CUZD1: variants seen among roughly 807,000 people sequenced by gnomAD.
The protein encoded by CUZD1 is CUB and zona pellucida-like domain-containing protein 1.
CUZD1 carries 42 observed loss-of-function variants against 53.1 expected under a neutral mutation model. That is an observed-to-expected ratio of 0.79 (90% CI 0.62 to 1.02). CUZD1 has a LOEUF of 1.02. Among genes scored for constraint, CUZD1 ranks in the 50% least tolerant of loss-of-function variants. The pLI is 0.00. For synonymous variants in CUZD1, 238 were observed against 257.2 expected (o/e 0.93, Z 0.71); for missense variants, 670 against 715.7 (o/e 0.94, Z 0.73).
intron 1 of CUZD1, among the ~76,000 whole-genome samples, chr10:122,843,460 C>G (rs919269812): frequency 1.3e-5 from 2 of 152,034 alleles, no homozygotes; most frequent in African/African-American, 4.8e-5. Context: ...TAGTTGTTTA[C>G]TATATTATTT....
In CUZD1 at chr10:122,843,593, A is replaced by C. The variant is rs1847378626; in HGVS notation, c.82+2169T>G. 2.0e-5 allele frequency among the ~76,000 whole-genome samples: 3 copies of C among 152,114 alleles called. No homozygotes were observed. In the South Asian group the frequency reaches 6.2e-4, roughly 32 times the overall value. ...CTGAACCCACAGGTACTGAGGGCTG[A>C]TTGTACTGATACATGCTACAATACA... is the stretch of plus-strand genomic sequence containing the variant. On this transcript the variant is annotated intron_variant, in intron 1 of 8. Transcript: ENST00000392790.
Position 122,839,240 on chromosome 10 carries a change from A to C in CUZD1, c.234-9T>G. On this transcript the variant is annotated splice_polypyrimidine_tract_variant and intron_variant, in intron 2 of 8. Coordinates refer to ENST00000392790, the MANE Select transcript of CUZD1 (RefSeq NM_022034.6). Reference sequence around the variant, plus strand: ...TTCCATCTGGATCAAGCCTGTGGAAAAAACACAACTGTGGCTGAAGAAGTG... The same window carrying C: ...TTCCATCTGGATCAAGCCTGTGGAACAAACACAACTGTGGCTGAAGAAGTG... 6.2e-7 allele frequency: 1 copy of C among 1,612,924 alleles called. No individual in the cohort carries two copies. The highest frequency in any genetic ancestry group is 1.1e-5 in the South Asian group (1 of 91,012).
chr10:122,840,145 C>T (rs1414118781), intron 2 of CUZD1, among the ~76,000 whole-genome samples: 1 of 152,194 alleles, frequency 6.6e-6, no homozygotes, highest in Non-Finnish European at 1.5e-5. Context: ...AGCAACCATT[C>T]CAGGAAATTT....
chr10:122,838,784 C>A (rs2133815439), intron 3 of CUZD1, among the ~76,000 whole-genome samples: 1 of 152,326 alleles, frequency 6.6e-6, no homozygotes, highest in East Asian at 1.9e-4. Context: ...AGATCATGTG[C>A]TCCATCCAGA....
chr10:122,833,683 C>G lies in CUZD1; in HGVS notation c.1640G>C (p.Ser547Thr). 6.2e-7 allele frequency: 1 copy of G among 1,613,060 alleles called. No individual in the cohort carries two copies. Among genetic ancestry groups the G allele is most frequent in the Non-Finnish European group, 8.5e-7 (1 of 1,179,340 alleles). ...AGCTTTTTTCTTACCTGAATTGCCA[C>G]TTGCACTTCGATCCCTTTTCAGACG... is the stretch of plus-strand genomic sequence containing the variant. ...PIRLKRDRSA[S>T]GNSGFQHETH... Residue 547 changes from serine (S) to threonine (T), a missense_variant, in exon 8 of 9, where the codon AGT becomes ACT. Ser to Thr is a moderately conservative substitution (Grantham distance 58, BLOSUM62 1). Transcript: ENST00000392790.
chr10:122,839,309 G>T, intron 2 of CUZD1, 78 bp from the exon 3 acceptor site: 1 of 1,265,590 alleles, frequency 7.9e-7, no homozygotes, highest in South Asian at 1.3e-5. Flanking sequence ...TGCTCACCTA[G>T]GCATGTAAAT....
chr10:122,834,860 G>A lies in CUZD1; in HGVS notation c.1228C>T (p.Leu410Phe). The change falls in exon 7 of 9, where the codon CTT (leucine) becomes TTT (phenylalanine). Residue 410 changes from leucine to phenylalanine, a missense_variant. Leu to Phe is a conservative substitution (Grantham distance 22, BLOSUM62 0). Transcript: ENST00000392790. The stretch of plus-strand genomic sequence containing the variant: ...AAATCCACATAATATGGTGATTCAA[G>A]TATAGTCTTTTCAAATGAATTGGAT... Reference protein sequence around the residue: ...FESNSFEKTILESPYYVDLNQ... With the variant: ...FESNSFEKTIFESPYYVDLNQ... 1.9e-6 allele frequency: 3 copies of A among 1,613,752 alleles called. No homozygotes were observed. The highest frequency in any genetic ancestry group is 8.5e-7 in the Non-Finnish European group (1 of 1,179,782).
At chr10:122,841,117 ACCCAC>A (rs1327595026) in intron 2 of CUZD1, 56 bp downstream of exon 2, 11 of 1,495,474 alleles carry the variant, frequency 7.4e-6, no homozygotes, top group Non-Finnish European at 1.0e-5. Context: ...GAGTCCCCCT[ACCCAC>A]CCCAATGTGG....
At position 122,844,179 on chromosome 10, in the gene CUZD1, C is replaced by A. The variant is rs554788542; in HGVS notation, c.82+1583G>T. ...GAGTAGCTGGGACTACAGTCATGTA[C>A]CACCATGCCTGGCTAAAAAAATTTT... On this transcript the variant is annotated intron_variant, in intron 1 of 8. Coordinates refer to ENST00000392790, the MANE Select transcript of CUZD1 (RefSeq NM_022034.6). Among the ~76,000 whole-genome samples, 3 of 151,834 alleles carry A rather than the reference C, an allele frequency of 2.0e-5. No individual in the cohort carries two copies. The South Asian group carries it at 6.2e-4, about 32-fold the overall frequency.
chr10:122,837,497 T>C lies in CUZD1; in HGVS notation c.506A>G (p.Asn169Ser), dbSNP rs141623717. 2,376 of 1,610,588 alleles carry C rather than the reference T, an allele frequency of 1.5e-3. 7 individuals are homozygous for C. Among genetic ancestry groups the C allele is most frequent in the Middle Eastern group, 0.015 (88 of 6,042 alleles). Residue 169 changes from asparagine to serine, a missense_variant, in exon 4 of 9, where the codon AAT (asparagine) becomes AGT (serine). Coordinates refer to ENST00000392790, the MANE Select transcript of CUZD1 (RefSeq NM_022034.6). ...CAGCTCAGGATGCGGCTTTGGGTAA[T>C]TGGGGCTGGTGAAGGATCCTTCCAA... is the stretch of plus-strand genomic sequence containing the variant. ...DTLEGSFTSP[N>S]YPKPHPELAY... is the part of the protein sequence containing the mutation.
intron 6 of CUZD1, 65 bp downstream of exon 6, chr10:122,836,113 C>A: frequency 6.9e-7 from 1 of 1,439,268 alleles, no homozygotes; most frequent in Non-Finnish European, 9.4e-7. Flanking sequence ...AAGCATTACC[C>A]TGACTGCATT....
chr10:122,844,724 T>C (rs927674188), intron 1 of CUZD1, among the ~76,000 whole-genome samples: 3 of 152,174 alleles, frequency 2.0e-5, no homozygotes, highest in Non-Finnish European at 4.4e-5. Flanking sequence ...AAAAATTATT[T>C]GGTAAATTCT....
At chr10:122,833,077 A>G (rs897345082) in intron 8 of CUZD1, among the ~76,000 whole-genome samples, 1 of 152,228 alleles carries the variant, frequency 6.6e-6, no homozygotes, top group Non-Finnish European at 1.5e-5. Context: ...AATGCCATTT[A>G]CAACTAAAAT....
At chr10:122,839,420 G>C (rs768176963) in intron 2 of CUZD1, among the ~76,000 whole-genome samples, 189 bp from the exon 3 acceptor site, 16 of 152,250 alleles carry the variant, frequency 1.1e-4, no homozygotes, top group Middle Eastern at 3.4e-3. Context: ...AACTTTAATG[G>C]GCTCAGGGAG....
intron 6 of CUZD1, 97 bp from the exon 7 acceptor site, chr10:122,835,194 C>A: frequency 1.1e-6 from 1 of 940,364 alleles, no homozygotes; most frequent in Non-Finnish European, 1.5e-6. Context: ...ACATAATTTT[C>A]TTAAATCACG....
chr10:122,835,295 C>T (rs1361410023), intron 6 of CUZD1, among the ~76,000 whole-genome samples, 198 bp from the exon 7 acceptor site: 1 of 152,148 alleles, frequency 6.6e-6, no homozygotes, highest in African/African-American at 2.4e-5. Flanking sequence ...ATGAGAAATA[C>T]AGCTTGTATT....
At chr10:122,837,911 G>C (rs528085348) in intron 3 of CUZD1, 2 of 173,602 alleles carry the variant, frequency 1.2e-5, no homozygotes, top group Non-Finnish European at 2.4e-5. Context: ...AGTCTCATCC[G>C]CCACTACTTC....
At chr10:122,844,897 C>G (rs775414011) in intron 1 of CUZD1, among the ~76,000 whole-genome samples, 7 of 152,102 alleles carry the variant, frequency 4.6e-5, no homozygotes, top group African/African-American at 1.4e-4. Context: ...CATCCAGAAA[C>G]AATCATCACT....
chr10:122,836,958 G>A lies in CUZD1; in HGVS notation c.690C>T (p.Gly230=), dbSNP rs1456381591. ...ACGATTCGAAGGTGGGAGTCACACG[G>A]CCACAGACTTGTCCAATCAGGCCAG... ...TNSGLIGQVC[G]RVTPTFESSS... The change falls in exon 5 of 9, where the codon GGC becomes GGT. Residue 230 remains glycine, a synonymous_variant. Coordinates refer to ENST00000392790, the MANE Select transcript of CUZD1 (RefSeq NM_022034.6). 6.2e-7 allele frequency: 1 copy of A among 1,614,032 alleles called. No individual in the cohort carries two copies. Among genetic ancestry groups the A allele is most frequent in the Non-Finnish European group, 8.5e-7 (1 of 1,179,892 alleles).
Sources: gnomAD v4.1 joint callset for allele counts (sites outside exome capture counted in the v4.1 genomes callset) on GRCh38, gnomAD v4.1.1 for gene constraint, MANE v1.5 for transcripts, NCBI Gene and HGNC (gene_info 2026-07-23, HGNC 2026-07-21) for gene names.